The following CACNA2D3 variants were observed in gnomAD, a reference collection of about 807,000 sequenced individuals.
The protein encoded by CACNA2D3 is voltage-dependent calcium channel subunit alpha-2/delta-3.
CACNA2D3 carries 60 observed loss-of-function variants against 160.6 expected under a neutral mutation model. The ratio of observed to expected loss-of-function variants is 0.37; its 90% CI spans 0.30 to 0.46. The LOEUF is 0.46. CACNA2D3 is among the 20% of genes least tolerant of loss of function. CACNA2D3 has a pLI of 1.00. For synonymous variants in CACNA2D3, 558 were observed against 492.9 expected (o/e 1.13, Z -1.75); for missense variants, 1,205 against 1,365.0 (o/e 0.88, Z 1.85).
intron 4 of CACNA2D3, among the ~76,000 whole-genome samples, chr3:54,432,165 G>T (rs1420684884): frequency 6.6e-6 from 1 of 152,144 alleles, no homozygotes; most frequent in Non-Finnish European, 1.5e-5. Context: ...TTTCATAAAT[G>T]TGTGTGTTCA....
chr3:54,272,876 G>A (rs1280066111), intron 2 of CACNA2D3: 1 of 152,352 alleles, frequency 6.6e-6, no homozygotes, highest in Non-Finnish European at 1.5e-5. Flanking sequence ...GTACCTGTGA[G>A]CTGATGAGTG....
intron 35 of CACNA2D3, among the ~76,000 whole-genome samples, chr3:55,023,243 G>A (rs952314271): frequency 6.6e-6 from 1 of 152,142 alleles, no homozygotes; most frequent in Non-Finnish European, 1.5e-5. Context: ...ACAGTGTTCA[G>A]TCTCTCTCGA....
At chr3:54,727,594 C>T (rs1331881391) in intron 11 of CACNA2D3, among the ~76,000 whole-genome samples, 1 of 152,176 alleles carries the variant, frequency 6.6e-6, no homozygotes, top group East Asian at 1.9e-4. Flanking sequence ...AGGATGAGTT[C>T]ATGTCCTTTG....
rs572253128 is a variant in CACNA2D3, at chr3:54,256,598, G to A, written c.205-63844G>A. On this transcript the variant is annotated intron_variant, in intron 2 of 37. Coordinates refer to ENST00000474759, the MANE Select transcript of CACNA2D3 (RefSeq NM_018398.3). ...CCCCAAGTTTATGCTGCTTCCCAGAGGGTCCACATTTTTCTGTATGCACTA... is the reference window on the plus strand; with the variant it reads ...CCCCAAGTTTATGCTGCTTCCCAGAAGGTCCACATTTTTCTGTATGCACTA... Among the ~76,000 whole-genome samples, 5 of 152,188 alleles carry A rather than the reference G, an allele frequency of 3.3e-5. No individual in the cohort carries two copies. In the East Asian group the frequency reaches 9.7e-4, roughly 29 times the overall value.
chr3:54,925,265 G>T, intron 27 of CACNA2D3: 1 of 1,462,140 alleles, frequency 6.8e-7, no homozygotes, highest in Non-Finnish European at 9.4e-7. Context: ...GTGAGGTGTG[G>T]TATCAGCACT....
intron 35 of CACNA2D3, among the ~76,000 whole-genome samples, chr3:55,052,316 T>G (rs1704245508): frequency 6.6e-6 from 1 of 152,180 alleles, no homozygotes; most frequent in South Asian, 2.1e-4. Context: ...ATTTTAATTC[T>G]TTTAAAATTG....
chr3:54,783,841 G>C (rs1418256655), intron 13 of CACNA2D3, among the ~76,000 whole-genome samples: 1 of 152,086 alleles, frequency 6.6e-6, no homozygotes, highest in African/African-American at 2.4e-5. Context: ...TTTAAATGTT[G>C]AGTCATAACA....
intron 2 of CACNA2D3, among the ~76,000 whole-genome samples, chr3:54,147,847 G>A (rs62251041): frequency 0.24 from 36,096 of 152,142 alleles, 4,685 homozygotes; most frequent in East Asian, 0.41. Flanking sequence ...TTGCTCTGTC[G>A]CCCAGCTGGA....
At chr3:54,236,096 T>A (rs547427538) in intron 2 of CACNA2D3, among the ~76,000 whole-genome samples, 22 of 152,294 alleles carry the variant, frequency 1.4e-4, no homozygotes, top group African/African-American at 5.3e-4. Flanking sequence ...CATCAGACGA[T>A]TCCCATTTGA....
chr3:54,766,847 A>G (rs983812000), intron 13 of CACNA2D3, among the ~76,000 whole-genome samples: 2 of 152,032 alleles, frequency 1.3e-5, no homozygotes, highest in African/African-American at 4.8e-5. Flanking sequence ...ATAGCATACT[A>G]CTTTTTGCAA....
chr3:54,811,894 A>G (rs1395020267), intron 13 of CACNA2D3, among the ~76,000 whole-genome samples: 2 of 152,190 alleles, frequency 1.3e-5, no homozygotes, highest in Admixed American at 6.5e-5. Context: ...GTGACCTTGT[A>G]GTTTCAACAT....
chr3:54,240,563 C>G (rs760285366), intron 2 of CACNA2D3, among the ~76,000 whole-genome samples: 1 of 152,108 alleles, frequency 6.6e-6, no homozygotes, highest in Admixed American at 6.6e-5. Context: ...TGCATTTTCT[C>G]CTAGTAAGTG....
At chr3:54,708,721 G>A (rs186010717) in intron 11 of CACNA2D3, among the ~76,000 whole-genome samples, 1 of 152,278 alleles carries the variant, frequency 6.6e-6, no homozygotes, top group East Asian at 1.9e-4. Context: ...AATCCTAGGC[G>A]GCTCCAGAAT....
intron 9 of CACNA2D3, among the ~76,000 whole-genome samples, chr3:54,601,863 A>G (rs1302920690): frequency 6.6e-6 from 1 of 151,954 alleles, no homozygotes; most frequent in Non-Finnish European, 1.5e-5. Flanking sequence ...TTTTTTGCTG[A>G]TGTTTGACAC....
chr3:54,631,229 C>CAA (rs1204894201), intron 10 of CACNA2D3, among the ~76,000 whole-genome samples: 3 of 151,614 alleles, frequency 2.0e-5, no homozygotes, highest in Non-Finnish European at 2.9e-5. Context: ...CACACACACA[C>CAA]ACACACAAAG....
intron 11 of CACNA2D3, among the ~76,000 whole-genome samples, chr3:54,692,096 C>T (rs1700582978): frequency 6.6e-6 from 1 of 152,108 alleles, no homozygotes; most frequent in African/African-American, 2.4e-5. Context: ...ACCTCAGCCT[C>T]CCGAGTAGCT....
intron 4 of CACNA2D3, among the ~76,000 whole-genome samples, chr3:54,469,324 T>G (rs531015999): frequency 0.076 from 11,487 of 152,092 alleles, 942 homozygotes; most frequent in African/African-American, 0.2. Context: ...CAGCAGACCT[T>G]TTGCAGAGGG....
At chr3:54,693,473 A>C (rs1700604399) in intron 11 of CACNA2D3, among the ~76,000 whole-genome samples, 1 of 152,232 alleles carries the variant, frequency 6.6e-6, no homozygotes, top group South Asian at 2.1e-4. Context: ...TGTACAGTAC[A>C]AAATACTTGA....
chr3:54,752,729 G>C, intron 12 of CACNA2D3, 52 bp downstream of exon 12: 1 of 1,268,282 alleles, frequency 7.9e-7, no homozygotes, highest in Non-Finnish European at 1.1e-6. Context: ...TACTTGTGCA[G>C]AATTAGGAAT....
Sources: allele counts gnomAD v4.1 joint callset (sites outside exome capture counted in the v4.1 genomes callset), GRCh38; gene constraint gnomAD v4.1.1; transcripts MANE v1.5; gene names NCBI Gene and HGNC (gene_info 2026-07-23, HGNC 2026-07-21).